Variants in DNM3 observed in about 807,000 individuals in gnomAD.
DNM3 encodes the protein dynamin 3.
A neutral mutation model predicts 101.6 loss-of-function variants in DNM3; 47 were observed. The observed-to-expected ratio is 0.46, with a 90% CI of 0.37 to 0.59. The LOEUF is 0.59. Among genes scored for constraint, DNM3 ranks in the 20% least tolerant of loss-of-function variants. The pLI, the probability that DNM3 is intolerant of heterozygous loss-of-function variation, is 0.00. For missense variants in DNM3, 849 were observed against 1,085.7 expected, an observed-to-expected ratio of 0.78 and a Z score of 3.06; for synonymous variants, 385 against 387.9, an observed-to-expected ratio of 0.99 and a Z score of 0.09.
rs1553300972 is a variant in DNM3 at position 171,922,154 on chromosome 1, TGC to T, written c.235+335_235+336del. ...GTGTGTGTGTGTGTGTGTGTGTGTGTGCGTATGTGTGCATGCACATGCACTTG... is the reference window on the plus strand; with the variant it reads ...GTGTGTGTGTGTGTGTGTGTGTGTGTGTATGTGTGCATGCACATGCACTTG... On this transcript the variant is annotated intron_variant, in intron 2 of 20. Coordinates refer to ENST00000627582, the MANE Select transcript of DNM3 (RefSeq NM_015569.5). Among the ~76,000 whole-genome samples, 578 of 68,806 alleles carry T rather than the reference TGC, an allele frequency of 8.4e-3. 1 individual carries two copies. Among genetic ancestry groups the T allele is most frequent in the East Asian group, 0.05 (74 of 1,486 alleles). The allele number at this position is 68,806 out of a possible 152,430, so 45.1% of individuals were successfully genotyped here.
At chr1:172,052,953 T>C (rs1173452472) in intron 10 of DNM3, among the ~76,000 whole-genome samples, 1 of 152,196 alleles carries the variant, frequency 6.6e-6, no homozygotes, top group Non-Finnish European at 1.5e-5. Context: ...TGAACATTAC[T>C]TTTAAGCCTG....
chr1:172,069,380 C>T (rs1422580354), intron 11 of DNM3, among the ~76,000 whole-genome samples: 1 of 152,072 alleles, frequency 6.6e-6, no homozygotes, highest in Non-Finnish European at 1.5e-5. Flanking sequence ...AGATTTTCAT[C>T]AGCTTATCCA....
intron 4 of DNM3, among the ~76,000 whole-genome samples, chr1:172,026,163 A>G (rs1331404043): frequency 6.6e-6 from 1 of 152,128 alleles, no homozygotes; most frequent in Non-Finnish European, 1.5e-5. Flanking sequence ...TGAAGCATAC[A>G]CAAGTATCAA....
chr1:171,866,426 C>T (rs945537512), intron 1 of DNM3, among the ~76,000 whole-genome samples: 2 of 151,892 alleles, frequency 1.3e-5, no homozygotes, highest in African/African-American at 4.8e-5. Flanking sequence ...CATACCATTC[C>T]CTCCATCTAG....
At chr1:172,334,592 A>G (rs2066335918) in intron 17 of DNM3, among the ~76,000 whole-genome samples, 5 of 152,194 alleles carry the variant, frequency 3.3e-5, no homozygotes, top group African/African-American at 1.2e-4. Context: ...ATGGAGCCCA[A>G]TTCACTTAGG....
chr1:172,006,324 T>G (rs753096235), intron 4 of DNM3, among the ~76,000 whole-genome samples: 2 of 152,078 alleles, frequency 1.3e-5, no homozygotes, highest in Non-Finnish European at 2.9e-5. Flanking sequence ...CATTATCTTC[T>G]TTGACATATC....
intron 4 of DNM3, among the ~76,000 whole-genome samples, chr1:172,019,048 C>G (rs1229597766): frequency 7.1e-6 from 1 of 141,820 alleles, no homozygotes; most frequent in African/African-American, 2.7e-5. Flanking sequence ...TCCCTTCCTC[C>G]TTTCTTCCCT....
At chr1:171,946,884 A>T (rs184869772) in intron 2 of DNM3, among the ~76,000 whole-genome samples, 3 of 152,276 alleles carry the variant, frequency 2.0e-5, no homozygotes, top group Admixed American at 2.0e-4. Context: ...GGGAACTCTC[A>T]TGGGAACTGA....
intron 2 of DNM3, among the ~76,000 whole-genome samples, chr1:171,948,553 A>G (rs1433883331): frequency 6.6e-6 from 1 of 152,222 alleles, no homozygotes; most frequent in East Asian, 1.9e-4. Context: ...TGAGCTTCTC[A>G]TTAATGACCA....
intron 15 of DNM3, among the ~76,000 whole-genome samples, chr1:172,307,515 C>T (rs1283583784): frequency 6.6e-6 from 1 of 152,166 alleles, no homozygotes; most frequent in African/African-American, 2.4e-5. Context: ...CCAGTGATCC[C>T]ATTACTGAGT....
chr1:172,342,040 A>G (rs2066710409), intron 17 of DNM3, among the ~76,000 whole-genome samples: 1 of 152,194 alleles, frequency 6.6e-6, no homozygotes, highest in South Asian at 2.1e-4. Context: ...AGAAATTCAA[A>G]TCAAAACCAA....
chr1:172,297,831 G>A (rs1324722932), intron 15 of DNM3, among the ~76,000 whole-genome samples: 1 of 151,704 alleles, frequency 6.6e-6, no homozygotes, highest in Non-Finnish European at 1.5e-5. Flanking sequence ...TACTTTTGAT[G>A]TACATATTTG....
chr1:172,319,405 A>C, intron 16 of DNM3, among the ~76,000 whole-genome samples: 1 of 152,240 alleles, frequency 6.6e-6, no homozygotes, highest in African/African-American at 2.4e-5. Context: ...AATTAAACTA[A>C]AGAGTTTCTG....
At chr1:172,393,990 G>A (rs554807289) in intron 20 of DNM3, 2 of 152,294 alleles carry the variant, frequency 1.3e-5, no homozygotes, top group Admixed American at 6.5e-5. Context: ...TTGGCCACAT[G>A]CTGTTCATTA....
At chr1:171,993,347 G>A (rs1013802448) in intron 4 of DNM3, among the ~76,000 whole-genome samples, 2 of 151,790 alleles carry the variant, frequency 1.3e-5, no homozygotes, top group African/African-American at 4.8e-5. Context: ...CTTAAATTTT[G>A]AAGGATAATT....
At chr1:171,953,008 G>T (rs1166656310) in intron 2 of DNM3, among the ~76,000 whole-genome samples, 1 of 152,160 alleles carries the variant, frequency 6.6e-6, no homozygotes, top group Non-Finnish European at 1.5e-5. Flanking sequence ...GGTAAGAAAT[G>T]AGTGATAATT....
intron 18 of DNM3, among the ~76,000 whole-genome samples, chr1:172,382,964 A>C (rs189953542): frequency 1.2e-4 from 18 of 152,246 alleles, no homozygotes; most frequent in Admixed American, 1.2e-3. Context: ...CATGTGCCCT[A>C]GTTTCAAAAC....
In DNM3 at chr1:172,192,544, A is replaced by C. The variant is rs1232640069; in HGVS notation, c.1660-61029A>C. 8.4e-5 allele frequency among the ~76,000 whole-genome samples: 9 copies of C among 107,098 alleles called. No individual in the cohort carries two copies. The Admixed American group carries it at 1.2e-3, about 14-fold the overall frequency. 70.3% of individuals were successfully genotyped at this position (107,098 alleles called of 152,430 possible). A position where few individuals can be genotyped will look rare whatever the true frequency, so the allele number is the denominator to read the frequency against. On this transcript the variant is annotated intron_variant, in intron 14 of 20. Coordinates refer to ENST00000627582, the MANE Select transcript of DNM3 (RefSeq NM_015569.5). Reference sequence around the variant, plus strand: ...CTCCCCCCTCCCCCCACCCCACAACAGTCCCCAGAGTGTGATGTTCCCCTT... The same window carrying C: ...CTCCCCCCTCCCCCCACCCCACAACCGTCCCCAGAGTGTGATGTTCCCCTT...
At chr1:172,279,285 A>G (rs2422076) in intron 15 of DNM3, among the ~76,000 whole-genome samples, 9,296 of 152,216 alleles carry the variant, frequency 0.061, 358 homozygotes, top group African/African-American at 0.099. Context: ...GGACTATTGT[A>G]CCCCAAAAAG....
Sources: allele counts gnomAD v4.1 joint callset (sites outside exome capture counted in the v4.1 genomes callset), GRCh38; gene constraint gnomAD v4.1.1; transcripts MANE v1.5; gene names NCBI Gene and HGNC (gene_info 2026-07-23, HGNC 2026-07-21).